GFRA1: variants seen among roughly 807,000 people sequenced by gnomAD.
The protein encoded by GFRA1 is GDNF family receptor alpha-1.
A neutral mutation model predicts 51.6 loss-of-function variants in GFRA1; 16 were observed. That is an observed-to-expected ratio of 0.31 (90% CI 0.21 to 0.47). The LOEUF (loss-of-function observed/expected upper bound fraction) is 0.47, where lower values mean the gene tolerates loss of function less well. GFRA1 is among the 20% of genes least tolerant of loss of function. The pLI, the probability that GFRA1 is intolerant of heterozygous loss-of-function variation, is 1.00. For missense variants in GFRA1, 530 were observed against 594.3 expected, an observed-to-expected ratio of 0.89 and a Z score of 1.13; for synonymous variants, 270 against 241.3, an observed-to-expected ratio of 1.12 and a Z score of -1.10.
chr10:116,201,548 A>G (rs1964332322), intron 5 of GFRA1, among the ~76,000 whole-genome samples: 1 of 151,944 alleles, frequency 6.6e-6, no homozygotes, highest in Non-Finnish European at 1.5e-5. Context: ...ATCCTGCCCA[A>G]TTAGACATTC....
intron 5 of GFRA1, among the ~76,000 whole-genome samples, chr10:116,196,647 AAT>A (rs1186936900): frequency 4.9e-4 from 3 of 6,138 alleles, no homozygotes; most frequent in East Asian, 0.062. Flanking sequence ...TACTATATAT[AAT>A]ATATATATAG....
At chr10:116,102,079 T>C (rs926979496) in intron 6 of GFRA1, among the ~76,000 whole-genome samples, 2 of 152,222 alleles carry the variant, frequency 1.3e-5, no homozygotes. Flanking sequence ...TTGTCTCACA[T>C]ACAAGACAGC....
chr10:116,254,485 G>A (rs982292070), intron 4 of GFRA1, among the ~76,000 whole-genome samples: 19 of 150,706 alleles, frequency 1.3e-4, no homozygotes, highest in African/African-American at 4.7e-4. Flanking sequence ...ATCCTAAGCA[G>A]CAGAGTGAGA....
chr10:116,203,303 C>A (rs1964483653), intron 5 of GFRA1, among the ~76,000 whole-genome samples: 1 of 152,230 alleles, frequency 6.6e-6, no homozygotes. Flanking sequence ...GCAAGCCAGA[C>A]TCCAAAAACA....
chr10:116,188,351 A>C lies in GFRA1; in HGVS notation c.433+23280T>G, dbSNP rs566983989. The stretch of plus-strand genomic sequence containing the variant: ...TTAAAAAGGTGGGCAATAGTGGAAC[A>C]GGCTGGACACAAAAGGACAAATAGT... On this transcript the variant is annotated intron_variant, in intron 5 of 10. Transcript: ENST00000355422. 5.1e-4 allele frequency among the ~76,000 whole-genome samples: 77 copies of C among 152,336 alleles called. 1 individual carries two copies. Among genetic ancestry groups the C allele is most frequent in the African/African-American group, 1.8e-3 (73 of 41,580 alleles).
chr10:116,095,445 T>A (rs1426601716), intron 7 of GFRA1, among the ~76,000 whole-genome samples: 1 of 152,200 alleles, frequency 6.6e-6, no homozygotes, highest in East Asian at 1.9e-4. Context: ...ATTCCATAGT[T>A]GATACATCAT....
chr10:116,096,831 C>A, intron 6 of GFRA1, 67 bp from the exon 7 acceptor site: 1 of 841,656 alleles, frequency 1.2e-6, no homozygotes, highest in South Asian at 1.4e-5. Flanking sequence ...TCCGGACAGA[C>A]ATGTTTTCTT....
At position 116,238,018 on chromosome 10, in the gene GFRA1, CA is replaced by C. The variant is rs1967035764; in HGVS notation, c.419-26374del. ...GCAGCACAGCTCTTCCTCGACCAAG[CA>C]GACTCTGAAAACCCTCAACTGCTTC... On this transcript the variant is annotated intron_variant, in intron 4 of 10. Transcript: ENST00000355422. Among the ~76,000 whole-genome samples the C allele has an allele frequency of 2.6e-5, 4 of 152,204 alleles. No individual in the cohort carries two copies. The South Asian group carries it at 8.3e-4, about 31-fold the overall frequency.
chr10:116,244,020 C>G (rs1303991322), intron 4 of GFRA1, among the ~76,000 whole-genome samples: 1 of 152,094 alleles, frequency 6.6e-6, no homozygotes, highest in African/African-American at 2.4e-5. Flanking sequence ...ATATAGATGA[C>G]TGCATAAGGT....
intron 5 of GFRA1, among the ~76,000 whole-genome samples, chr10:116,126,228 T>A (rs1175482396): frequency 1.3e-5 from 2 of 152,244 alleles, no homozygotes; most frequent in East Asian, 1.9e-4. Context: ...GCTCTATGAG[T>A]ACTGAGGTTC....
chr10:116,167,100 A>G (rs910401059), intron 5 of GFRA1, among the ~76,000 whole-genome samples: 2 of 152,076 alleles, frequency 1.3e-5, no homozygotes, highest in Admixed American at 1.3e-4. Context: ...TGCCCGGCCC[A>G]CCACAATCTT....
intron 6 of GFRA1, among the ~76,000 whole-genome samples, chr10:116,114,877 C>T (rs1341249503): frequency 6.6e-6 from 1 of 152,178 alleles, no homozygotes; most frequent in African/African-American, 2.4e-5. Flanking sequence ...AAAAATATCT[C>T]ATTTAGTCCT....
chr10:116,148,081 T>C (rs76089744), intron 5 of GFRA1, among the ~76,000 whole-genome samples: 27 of 33,370 alleles, frequency 8.1e-4, no homozygotes, highest in East Asian at 2.4e-3. Context: ...TGTGCATGTG[T>C]GTGTGTGCAT....
chr10:116,128,832 C>A (rs561719696), intron 5 of GFRA1, among the ~76,000 whole-genome samples: 21 of 149,222 alleles, frequency 1.4e-4, no homozygotes, highest in African/African-American at 5.2e-4. Flanking sequence ...AGGTTTTCCT[C>A]TTAATGTTAT....
At chr10:116,167,643 A>T (rs1960608359) in intron 5 of GFRA1, among the ~76,000 whole-genome samples, 1 of 151,848 alleles carries the variant, frequency 6.6e-6, no homozygotes, top group African/African-American at 2.4e-5. Flanking sequence ...CAAAGCTCTC[A>T]GTTTTAACGT....
intron 4 of GFRA1, among the ~76,000 whole-genome samples, chr10:116,240,971 T>C (rs974810644): frequency 4.6e-5 from 7 of 152,192 alleles, no homozygotes; most frequent in Non-Finnish European, 7.3e-5. Context: ...CAGCTAAGAC[T>C]TGCAGAGTTG....
intron 5 of GFRA1, among the ~76,000 whole-genome samples, chr10:116,158,291 C>T (rs1959365872): frequency 6.6e-6 from 1 of 152,132 alleles, no homozygotes; most frequent in Non-Finnish European, 1.5e-5. Flanking sequence ...GCCAGGATCA[C>T]CAAGTACACA....
chr10:116,074,278 T>C (rs544021544), intron 9 of GFRA1, among the ~76,000 whole-genome samples: 5 of 152,276 alleles, frequency 3.3e-5, no homozygotes, highest in Non-Finnish European at 2.9e-5. Flanking sequence ...TCAATGCATA[T>C]TGACTCCATG....
At chr10:116,167,139 C>T (rs893482677) in intron 5 of GFRA1, among the ~76,000 whole-genome samples, 1 of 151,980 alleles carries the variant, frequency 6.6e-6, no homozygotes, top group African/African-American at 2.4e-5. Context: ...TGTGTCTTCT[C>T]AAGCCATATT....
Sources: allele counts gnomAD v4.1 joint callset (sites outside exome capture counted in the v4.1 genomes callset), GRCh38; gene constraint gnomAD v4.1.1; transcripts MANE v1.5; gene names NCBI Gene and HGNC (gene_info 2026-07-23, HGNC 2026-07-21).